Variants in MLH3 observed in about 807,000 individuals in gnomAD.
MLH3 encodes DNA mismatch repair protein Mlh3.
MLH3 carries 82 observed loss-of-function variants against 122.2 expected under a neutral mutation model. The observed-to-expected ratio is 0.67, with a 90% CI of 0.56 to 0.81. The LOEUF is 0.81. Ranked by LOEUF, MLH3 falls within the 30% of genes least tolerant of loss-of-function variation. The pLI is 0.00. For synonymous variants in MLH3, 524 were observed against 599.5 expected (o/e 0.87, Z 1.84); for missense variants, 1,539 against 1,714.5 (o/e 0.90, Z 1.81).
chr14:75,042,097 G>A (rs1891894732), intron 3 of MLH3, among the ~76,000 whole-genome samples: 1 of 152,208 alleles, frequency 6.6e-6, no homozygotes, highest in South Asian at 2.1e-4. Flanking sequence ...AACTTGGAGT[G>A]CAAGTCCAGC....
Position 75,042,466 on chromosome 14 carries a change from T to C in MLH3, c.3292A>G (p.Arg1098Gly), listed in dbSNP as rs780193536. 2 of 1,612,868 alleles carry C rather than the reference T, an allele frequency of 1.2e-6. No individual in the cohort carries two copies. The highest frequency in any genetic ancestry group is 1.1e-5 in the South Asian group (1 of 91,066). Residue 1098 changes from arginine (R) to glycine (G), a missense_variant, in exon 3 of 13, where the codon AGG (arginine) becomes GGG (glycine). Arg to Gly is a moderately radical substitution (Grantham distance 125). Transcript: ENST00000355774. ...DVVLENGSQY[R>G]CQPFRSDLVL... Reference sequence around the variant, plus strand: ...AGGTCGCTTCTAAAAGGTTGACACCTGTACTGAGACCCTAAATATAAGAAA... The same window carrying C: ...AGGTCGCTTCTAAAAGGTTGACACCCGTACTGAGACCCTAAATATAAGAAA...
chr14:75,036,358 A>C (rs175073), intron 6 of MLH3, among the ~76,000 whole-genome samples: 1 of 150,204 alleles, frequency 6.7e-6, no homozygotes. Context: ...TTTTTATTTT[A>C]TTTTTTTGAC....
At chr14:75,019,070 T>C (rs992170193) in intron 11 of MLH3, 90 bp from the exon 12 acceptor site, 6 of 1,202,638 alleles carry the variant, frequency 5.0e-6, no homozygotes, top group Non-Finnish European at 7.3e-6. Context: ...CTGGAAAAAG[T>C]AACATGTTTC....
chr14:75,039,852 T>TATATATATATAC (rs1891696806), intron 5 of MLH3, 59 bp downstream of exon 5: 1 of 49,612 alleles, frequency 2.0e-5, no homozygotes, highest in Non-Finnish European at 4.6e-5. Flanking sequence ...AGGCCATATA[T>TATATATATATAC]ATATATATAT....
At position 75,046,454 on chromosome 14, in the gene MLH3, T is replaced by C; in HGVS notation, c.3202A>G (p.Ile1068Val). 1 of 1,614,204 alleles carries C rather than the reference T, an allele frequency of 6.2e-7. No homozygotes were observed. The highest frequency in any genetic ancestry group is 8.5e-7 in the Non-Finnish European group (1 of 1,180,030). Residue 1068 changes from isoleucine to valine, a missense_variant, in exon 2 of 13, where the codon ATT becomes GTT. Coordinates refer to ENST00000355774, the MANE Select transcript of MLH3 (RefSeq NM_001040108.2). ...VNKMTGLSTF[I>V]APTEDIQAAC... ...GCCTGAATGTCCTCAGTTGGGGCAA[T>C]GAATGTGCTGAGTCCAGTCATTTTG...
intron 5 of MLH3, 52 bp downstream of exon 5, chr14:75,039,848 TATATATATATA>T (rs1331660075): frequency 2.6e-5 from 1 of 39,140 alleles, no homozygotes; most frequent in African/African-American, 1.2e-4. Context: ...AGTTAGGCCA[TATATATATATA>T]TATATATATA....
rs768301936 is a variant in MLH3 at position 75,038,399 on chromosome 14, A to C, written c.3584T>G (p.Val1195Gly). Residue 1195 changes from valine to glycine, a missense_variant, in exon 6 of 13, where the codon GTA becomes GGA. By Grantham distance (109) the Val-to-Gly change is moderately radical. Coordinates refer to ENST00000355774, the MANE Select transcript of MLH3 (RefSeq NM_001040108.2). ...MIHSMQVLQQ[V>G]DNKFIACLMS... The stretch of plus-strand genomic sequence containing the variant: ...CAAACAGGCAATAAACTTGTTATCT[A>C]CTTGCTGGAGAACCTGTCAGACATT... 13 of 1,612,262 alleles carry C rather than the reference A, an allele frequency of 8.1e-6. No homozygotes were observed. Among genetic ancestry groups the C allele is most frequent in the Non-Finnish European group, 1.1e-5 (13 of 1,178,380 alleles).
In MLH3 at chr14:75,048,276, G is replaced by C. The variant is rs913307900; in HGVS notation, c.1380C>G (p.Asn460Lys). The change falls in exon 2 of 13, where the codon AAC (asparagine) becomes AAG (lysine). Residue 460 changes from asparagine (N) to lysine (K), a missense_variant. Transcript: ENST00000355774. ...TTGATTCTGAGCAAGAGCTGTCTTTGTTTTGTAAAGATGGCTCTGTCATTT... is the reference window on the plus strand; with the variant it reads ...TTGATTCTGAGCAAGAGCTGTCTTTCTTTTGTAAAGATGGCTCTGTCATTT... ...HSKMTEPSLQ[N>K]KDSSCSESKM... The C allele has an allele frequency of 3.1e-6, 5 of 1,613,952 alleles. No individual in the cohort carries two copies. In the African/African-American group the frequency reaches 5.3e-5, roughly 17 times the overall value.
rs202056794 is a variant in MLH3, at chr14:75,041,562, TAAGAAG to T, written c.3465+47_3465+52del. The stretch of plus-strand genomic sequence containing the variant: ...AAACTCCATCTCAAAATTTAAAAAA[TAAGAAG>T]AAGAAGAAGAAAAAAAAAAGGCAAA... On this transcript the variant is annotated intron_variant, in intron 4 of 12. Transcript: ENST00000355774. The T allele has an allele frequency of 3.6e-6, 5 of 1,379,784 alleles. No individual in the cohort carries two copies. In the African/African-American group the frequency reaches 6.0e-5, roughly 16 times the overall value. 85.5% of individuals were successfully genotyped at this position (1,379,784 alleles called of 1,614,324 possible).
In MLH3 at chr14:75,022,224, C is replaced by G. The variant is rs557815018; in HGVS notation, c.4090+590G>C. Among the ~76,000 whole-genome samples, 5 of 152,250 alleles carry G rather than the reference C, an allele frequency of 3.3e-5. No individual in the cohort carries two copies. In the East Asian group the frequency reaches 9.6e-4, roughly 29 times the overall value. On this transcript the variant is annotated intron_variant, in intron 11 of 12. Transcript: ENST00000355774. ...TACCTATTGGGTACTATGCTCATTA[C>G]CTGGGTGACAAAATAATCTGTACAC...
In MLH3 at chr14:75,041,577, G is replaced by GAA. The variant is rs34505842; in HGVS notation, c.3465+36_3465+37dup. ...ATTTAAAAAATAAGAAGAAGAAGAA[G>GAA]AAAAAAAAAAGGCAAAGAAAAACTG... is the stretch of plus-strand genomic sequence containing the variant. On this transcript the variant is annotated intron_variant, in intron 4 of 12. Transcript: ENST00000355774. The GAA allele has an allele frequency of 3.0e-4, 381 of 1,258,168 alleles. No individual in the cohort carries two copies. The highest frequency in any genetic ancestry group is 4.0e-4 in the Non-Finnish European group (355 of 890,044). The allele number at this position is 1,258,168 out of a possible 1,614,324, so 77.9% of individuals were successfully genotyped here. A position where few individuals can be genotyped will look rare whatever the true frequency, so the allele number is the denominator to read the frequency against.
chr14:75,046,359 G>T lies in MLH3; in HGVS notation c.3280+17C>A. 1 of 1,613,734 alleles carries T rather than the reference G, an allele frequency of 6.2e-7. No homozygotes were observed. The highest frequency in any genetic ancestry group is 1.1e-5 in the South Asian group (1 of 91,050). On this transcript the variant is annotated intron_variant, in intron 2 of 12. Transcript: ENST00000355774. ...ATCTTCAAAAGCATCTCATGCACAT[G>T]AATACTACGTACTTACCATTCTCAA... is the stretch of plus-strand genomic sequence containing the variant.
Position 75,046,980 on chromosome 14 carries a change from C to T in MLH3, c.2676G>A (p.Met892Ile), listed in dbSNP as rs755592568. ...GSERETQTMG[M>I]MSRFNELPNS... ...TTGGAAGTTCATTAAAACGACTCAT[C>T]ATCCCCATTGTTTGAGTTTCTCTTT... is the stretch of plus-strand genomic sequence containing the variant. The change falls in exon 2 of 13, where the codon ATG becomes ATA. Residue 892 changes from methionine to isoleucine, a missense_variant. Physicochemically the swap from Met to Ile is conservative, Grantham distance 10. Transcript: ENST00000355774. The T allele has an allele frequency of 9.3e-6, 15 of 1,614,206 alleles. 1 individual carries two copies. The South Asian group carries it at 1.4e-4, about 15-fold the overall frequency.
At chr14:75,024,194 ATTTAG>A (rs1284723604) in intron 9 of MLH3, among the ~76,000 whole-genome samples, 1 of 152,048 alleles carries the variant, frequency 6.6e-6, no homozygotes, top group Non-Finnish European at 1.5e-5. Context: ...TTATTTATTT[ATTTAG>A]TTAGTTAGTT....
intron 9 of MLH3, among the ~76,000 whole-genome samples, chr14:75,027,773 A>T (rs1890756715): frequency 6.6e-6 from 1 of 151,788 alleles, no homozygotes; most frequent in Admixed American, 6.6e-5. Context: ...TTTAATCTAA[A>T]TAAAGATTGA....
chr14:75,045,718 G>C (rs1034196903), intron 2 of MLH3, among the ~76,000 whole-genome samples: 15 of 152,248 alleles, frequency 9.9e-5, no homozygotes, highest in African/African-American at 3.6e-4. Flanking sequence ...AAGTACTGTG[G>C]ATCTTCCCAA....
At chr14:75,031,797 G>A (rs1046261959) in intron 8 of MLH3, among the ~76,000 whole-genome samples, 1 of 152,188 alleles carries the variant, frequency 6.6e-6, no homozygotes, top group Non-Finnish European at 1.5e-5. Context: ...CTGGACAACA[G>A]AGTGAGACCA....
At chr14:75,037,056 G>GA (rs5809692) in intron 6 of MLH3, among the ~76,000 whole-genome samples, 71,335 of 148,630 alleles carry the variant, frequency 0.48, 17,278 homozygotes, top group Middle Eastern at 0.58. Flanking sequence ...GATAAAAAAT[G>GA]AAAAAAAAAA....
At position 75,049,214 on chromosome 14, in the gene MLH3, C is replaced by T. The variant is rs757918852; in HGVS notation, c.442G>A (p.Val148Met). 2 of 1,614,228 alleles carry T rather than the reference C, an allele frequency of 1.2e-6. No individual in the cohort carries two copies. ...GGAAGCTGGTAAAATAGGTTATACA[C>T]TGTTACAGTAGTCCCAGCGCTTGCT... The part of the protein sequence containing the change: ...TRASAGTTVT[V>M]YNLFYQLPVR... The change falls in exon 2 of 13, where the codon GTG becomes ATG. Residue 148 changes from valine to methionine, a missense_variant. Coordinates refer to ENST00000355774, the MANE Select transcript of MLH3 (RefSeq NM_001040108.2).
Sources: allele counts gnomAD v4.1 joint callset (sites outside exome capture counted in the v4.1 genomes callset), GRCh38; gene constraint gnomAD v4.1.1; transcripts MANE v1.5; gene names NCBI Gene and HGNC (gene_info 2026-07-23, HGNC 2026-07-21).